PRDM16: variants seen among roughly 807,000 people sequenced by gnomAD.
PRDM16 encodes the protein histone-lysine N-methyltransferase PRDM16.
In PRDM16, 23 loss-of-function variants were observed where a neutral mutation model predicts 110.6. That is an observed-to-expected ratio of 0.21 (90% CI 0.15 to 0.29). PRDM16 has a LOEUF of 0.29. PRDM16 is among the 10% of genes least tolerant of loss of function. PRDM16 has a pLI of 1.00. For missense variants in PRDM16, 1,615 were observed against 1,794.3 expected (o/e 0.90, Z 1.81); for synonymous variants, 799 against 781.8 (o/e 1.02, Z -0.37).
chr1:3,336,681 T>A lies in PRDM16; in HGVS notation c.439-48471T>A, dbSNP rs10909932. ...GTATGTGTGCACATTCACACACATA[T>A]GTGTTTTTGTGAATCTGTGAGCACA... On this transcript the variant is annotated intron_variant, in intron 3 of 16. Coordinates refer to ENST00000270722, the MANE Select transcript of PRDM16 (RefSeq NM_022114.4). Among the ~76,000 whole-genome samples, 412 of 150,190 alleles carry A rather than the reference T, an allele frequency of 2.7e-3. 1 individual carries two copies. Among genetic ancestry groups the A allele is most frequent in the African/African-American group, 9.9e-3 (400 of 40,568 alleles).
chr1:3,126,388 C>A (rs1643208949), intron 1 of PRDM16, among the ~76,000 whole-genome samples: 1 of 152,206 alleles, frequency 6.6e-6, no homozygotes, highest in Non-Finnish European at 1.5e-5. Context: ...CTCAGGTGGA[C>A]AGGGCAAGGC....
In PRDM16 at chr1:3,367,559, G is replaced by C. The variant is rs944357041; in HGVS notation, c.439-17593G>C. 4.6e-5 allele frequency among the ~76,000 whole-genome samples: 7 copies of C among 152,260 alleles called. No individual in the cohort carries two copies. The East Asian group carries it at 9.6e-4, about 21-fold the overall frequency. On this transcript the variant is annotated intron_variant, in intron 3 of 16. Transcript: ENST00000270722. ...GAGTGGCTGGAATGTGACAGCTGCCGGCCCAACAGCTCTCAAAAGTGCCGG... is the reference window on the plus strand; with the variant it reads ...GAGTGGCTGGAATGTGACAGCTGCCCGCCCAACAGCTCTCAAAAGTGCCGG...
Position 3,378,854 on chromosome 1 carries a change from A to C in PRDM16, c.439-6298A>C, listed in dbSNP as rs564344140. ...AGCATTTCTCTGATCTGAGACAGAA[A>C]AGCAGTGGCTTCTGAAGTTCTGTCC... On this transcript the variant is annotated intron_variant, in intron 3 of 16. Coordinates refer to ENST00000270722, the MANE Select transcript of PRDM16 (RefSeq NM_022114.4). Among the ~76,000 whole-genome samples the C allele has an allele frequency of 2.7e-4, 41 of 152,144 alleles. No individual in the cohort carries two copies. The South Asian group carries it at 8.3e-3, about 31-fold the overall frequency.
chr1:3,174,779 C>T (rs1644066813), intron 1 of PRDM16, among the ~76,000 whole-genome samples: 1 of 152,168 alleles, frequency 6.6e-6, no homozygotes, highest in Non-Finnish European at 1.5e-5. Flanking sequence ...CTCTCCCGGG[C>T]CCTAATGACA....
At chr1:3,274,769 C>T (rs560043830) in intron 3 of PRDM16, among the ~76,000 whole-genome samples, 12 of 151,864 alleles carry the variant, frequency 7.9e-5, no homozygotes, top group Non-Finnish European at 1.3e-4. Context: ...TATTTTGCTG[C>T]TGCATGGCTG....
chr1:3,362,162 C>G (rs1266819333), intron 3 of PRDM16, among the ~76,000 whole-genome samples: 1 of 152,242 alleles, frequency 6.6e-6, no homozygotes, highest in African/African-American at 2.4e-5. Context: ...ATGGAGTGGC[C>G]TCAACTCCTT....
intron 1 of PRDM16, among the ~76,000 whole-genome samples, chr1:3,119,849 A>G (rs1056932383): frequency 2.0e-5 from 3 of 152,220 alleles, no homozygotes; most frequent in Admixed American, 6.5e-5. Flanking sequence ...AGCAGCTGAC[A>G]CAGCCCATCT....
intron 1 of PRDM16, among the ~76,000 whole-genome samples, chr1:3,093,480 G>C (rs980773241): frequency 2.0e-5 from 3 of 152,208 alleles, no homozygotes; most frequent in Non-Finnish European, 2.9e-5. Flanking sequence ...GGGGGCCCTG[G>C]AATCAAGTGG....
intron 3 of PRDM16, among the ~76,000 whole-genome samples, chr1:3,278,267 A>G (rs1194469665): frequency 4.6e-5 from 7 of 152,054 alleles, no homozygotes; most frequent in Admixed American, 6.5e-5. Context: ...AATCCTCCCC[A>G]TGGGCCATCT....
At chr1:3,310,813 T>C (rs1214041074) in intron 3 of PRDM16, among the ~76,000 whole-genome samples, 2 of 152,126 alleles carry the variant, frequency 1.3e-5, no homozygotes, top group Non-Finnish European at 2.9e-5. Flanking sequence ...TATGTGTATG[T>C]GCATGTGTGT....
Position 3,339,257 on chromosome 1 carries a change from C to G in PRDM16, c.439-45895C>G, listed in dbSNP as rs1642223041. 6.6e-6 allele frequency among the ~76,000 whole-genome samples: 1 copy of G among 152,032 alleles called. No individual in the cohort carries two copies. Among genetic ancestry groups the G allele is most frequent in the Non-Finnish European group, 1.5e-5 (1 of 67,992 alleles). On this transcript the variant is annotated intron_variant, in intron 3 of 16. Coordinates refer to ENST00000270722, the MANE Select transcript of PRDM16 (RefSeq NM_022114.4). This position sits in a 1 kb window ranked among gnomAD's most constrained non-coding sequence, Gnocchi z 5.0. ...GCCCCCGAGGGAGACAGCTCACCCACCCACCACAGTACCATCAAAGACAGA... is the reference window on the plus strand; with the variant it reads ...GCCCCCGAGGGAGACAGCTCACCCAGCCACCACAGTACCATCAAAGACAGA...
At chr1:3,139,181 G>T (rs1001521341) in intron 1 of PRDM16, among the ~76,000 whole-genome samples, 4 of 152,014 alleles carry the variant, frequency 2.6e-5, no homozygotes, top group African/African-American at 9.7e-5. Context: ...CTTCATCGGG[G>T]AGAGGGGGAC....
At chr1:3,117,744 G>A (rs1053209567) in intron 1 of PRDM16, among the ~76,000 whole-genome samples, 7 of 152,070 alleles carry the variant, frequency 4.6e-5, no homozygotes, top group African/African-American at 1.2e-4. Context: ...CCACAGGCCC[G>A]GGCCCGCCTT....
intron 2 of PRDM16, among the ~76,000 whole-genome samples, chr1:3,242,655 C>A (rs1280990838): frequency 6.6e-6 from 1 of 152,182 alleles, no homozygotes; most frequent in Admixed American, 6.5e-5. Context: ...GCAGGGTGAC[C>A]CGGAAGGCGA....
At chr1:3,194,140 C>T (rs1332248292) in intron 2 of PRDM16, among the ~76,000 whole-genome samples, 1 of 152,224 alleles carries the variant, frequency 6.6e-6, no homozygotes, top group Non-Finnish European at 1.5e-5. Flanking sequence ...GGTGGGAGGG[C>T]TGAGGAACAA....
At position 3,201,360 on chromosome 1, in the gene PRDM16, G is replaced by A. The variant is rs548000731; in HGVS notation, c.387+14886G>A. Among the ~76,000 whole-genome samples, 169 of 152,286 alleles carry A rather than the reference G, an allele frequency of 1.1e-3. No individual in the cohort carries two copies. The highest frequency in any genetic ancestry group is 3.6e-3 in the African/African-American group (150 of 41,558). ...GAGATGAACAAGATGCAGCCTCGGCGCTCAGAGGCGGGTGTCCAGTCCCCA... is the reference window on the plus strand; with the variant it reads ...GAGATGAACAAGATGCAGCCTCGGCACTCAGAGGCGGGTGTCCAGTCCCCA... On this transcript the variant is annotated intron_variant, in intron 2 of 16. Transcript: ENST00000270722. This position sits in a 1 kb window ranked among gnomAD's most constrained non-coding sequence, Gnocchi z 4.1.
At chr1:3,278,937 C>T (rs894022086) in intron 3 of PRDM16, among the ~76,000 whole-genome samples, 7 of 152,222 alleles carry the variant, frequency 4.6e-5, no homozygotes, top group South Asian at 4.1e-4. Flanking sequence ...TCCCTCCGGC[C>T]GGCCCTGGAG....
intron 4 of PRDM16, among the ~76,000 whole-genome samples, chr1:3,393,238 A>T (rs925700131): frequency 6.6e-6 from 1 of 152,274 alleles, no homozygotes; most frequent in Non-Finnish European, 1.5e-5. Context: ...GCGAGTGTTT[A>T]TAAAAAGGCA....
At chr1:3,264,306 A>G (rs1335505333) in intron 3 of PRDM16, among the ~76,000 whole-genome samples, 1 of 152,020 alleles carries the variant, frequency 6.6e-6, no homozygotes. Context: ...TGGAGGGAGC[A>G]GCATATCCAA....
Sources: gnomAD v4.1 joint callset for allele counts (sites outside exome capture counted in the v4.1 genomes callset) on GRCh38, gnomAD v4.1.1 for gene constraint, Gnocchi (gnomAD v3.1) non-coding constraint, MANE v1.5 for transcripts, NCBI Gene and HGNC (gene_info 2026-07-23, HGNC 2026-07-21) for gene names.